The following RAVER2 variants were observed in gnomAD, a reference collection of about 807,000 sequenced individuals.
RAVER2 encodes the protein ribonucleoprotein, PTB binding 2.
RAVER2 carries 46 observed loss-of-function variants against 78.1 expected under a neutral mutation model. The observed-to-expected ratio is 0.59, with a 90% CI of 0.46 to 0.75. RAVER2 has a LOEUF of 0.75. Among genes scored for constraint, RAVER2 ranks in the 30% least tolerant of loss-of-function variants. The pLI is 0.00. For synonymous variants in RAVER2, 311 were observed against 313.3 expected, an observed-to-expected ratio of 0.99 and a Z score of 0.08; for missense variants, 793 against 837.5, an observed-to-expected ratio of 0.95 and a Z score of 0.66.
At chr1:64,751,835 C>G (rs1651706863) in intron 1 of RAVER2, among the ~76,000 whole-genome samples, 1 of 151,964 alleles carries the variant, frequency 6.6e-6, no homozygotes, top group South Asian at 2.1e-4. Flanking sequence ...CTAAAACAGG[C>G]AAACCAAGGA....
intron 5 of RAVER2, among the ~76,000 whole-genome samples, chr1:64,794,413 A>AC (rs1653037864): frequency 6.6e-6 from 1 of 151,654 alleles, no homozygotes; most frequent in Non-Finnish European, 1.5e-5. Context: ...AAAAAAAAAA[A>AC]AAAACTGCCC....
At chr1:64,787,473 A>G (rs1652813343) in intron 4 of RAVER2, among the ~76,000 whole-genome samples, 1 of 152,144 alleles carries the variant, frequency 6.6e-6, no homozygotes, top group East Asian at 1.9e-4. Context: ...CACCCCAGCC[A>G]GGCAGCCCTG....
chr1:64,781,127 A>G (rs1026213082), intron 3 of RAVER2, among the ~76,000 whole-genome samples: 2 of 152,188 alleles, frequency 1.3e-5, no homozygotes, highest in Non-Finnish European at 2.9e-5. Flanking sequence ...GACTATTACC[A>G]TCTGGGCTTT....
rs910735918 is a variant in RAVER2, at chr1:64,749,386, T to C, written c.249+3965T>C. ...CCACCACGCTCGGCTAATTTTTGTGTTTTTAGTAGAGACAGGGTTTCACCA... is the reference window on the plus strand; with the variant it reads ...CCACCACGCTCGGCTAATTTTTGTGCTTTTAGTAGAGACAGGGTTTCACCA... On this transcript the variant is annotated intron_variant, in intron 1 of 11. Coordinates refer to ENST00000294428, the Ensembl canonical transcript of RAVER2. Among the ~76,000 whole-genome samples, 7 of 152,240 alleles carry C rather than the reference T, an allele frequency of 4.6e-5. No individual in the cohort carries two copies. The East Asian group carries it at 7.7e-4, about 17-fold the overall frequency.
chr1:64,800,420 A>C (rs1653229923), intron 5 of RAVER2, among the ~76,000 whole-genome samples: 1 of 152,080 alleles, frequency 6.6e-6, no homozygotes, highest in Non-Finnish European at 1.5e-5. Context: ...TGCAATTTTT[A>C]GTCTTACATT....
At chr1:64,790,933 T>G (rs949786991) in intron 5 of RAVER2, among the ~76,000 whole-genome samples, 1 of 152,186 alleles carries the variant, frequency 6.6e-6, no homozygotes, top group Non-Finnish European at 1.5e-5. Context: ...CTGCCCCCAC[T>G]TTAGACCTAG....
chr1:64,824,136 A>G (rs773308544), intron 11 of RAVER2, among the ~76,000 whole-genome samples: 1 of 152,122 alleles, frequency 6.6e-6, no homozygotes, highest in Non-Finnish European at 1.5e-5. Flanking sequence ...AACACTTGCC[A>G]TATGTGGCAG....
At chr1:64,784,889 T>A (rs540928555) in intron 4 of RAVER2, among the ~76,000 whole-genome samples, 1 of 152,354 alleles carries the variant, frequency 6.6e-6, no homozygotes, top group East Asian at 1.9e-4. Context: ...TGTCAGCATC[T>A]TGATTACTTC....
At chr1:64,805,523 A>G in intron 8 of RAVER2, among the ~76,000 whole-genome samples, 1 of 152,244 alleles carries the variant, frequency 6.6e-6, no homozygotes, top group East Asian at 1.9e-4. Flanking sequence ...TATTTAAAAA[A>G]ATTTAACCTC....
At chr1:64,807,506 A>T (rs777616926) in intron 9 of RAVER2, 32 bp downstream of exon 9, 1 of 1,589,416 alleles carries the variant, frequency 6.3e-7, no homozygotes, top group East Asian at 2.2e-5. Flanking sequence ...ACAGATGTAT[A>T]TATACATGTA....
At chr1:64,810,372 A>C (rs578074753) in intron 9 of RAVER2, among the ~76,000 whole-genome samples, 6 of 152,316 alleles carry the variant, frequency 3.9e-5, no homozygotes, top group African/African-American at 1.2e-4. Context: ...CCAGTGTGTG[A>C]TGAGGATACT....
chr1:64,769,762 A>T (rs2100824264), intron 2 of RAVER2, among the ~76,000 whole-genome samples: 1 of 152,146 alleles, frequency 6.6e-6, no homozygotes, highest in Non-Finnish European at 1.5e-5. Context: ...TCAGCATGGG[A>T]TATGCAGCAT....
At chr1:64,804,915 T>C in intron 7 of RAVER2, 76 bp from the exon 8 acceptor site, 2 of 1,533,646 alleles carry the variant, frequency 1.3e-6, no homozygotes, top group African/African-American at 2.8e-5. Flanking sequence ...AGGTTGTTTA[T>C]GAATTTTCAC....
exon 12 of RAVER2, chr1:64,831,704 A>G (rs758521870): frequency 3.6e-4 from 55 of 152,216 alleles, no homozygotes; most frequent in Non-Finnish European, 6.2e-4. Flanking sequence ...CATTTGGTCT[A>G]CCACCCGCTT....
At chr1:64,769,338 A>G (rs1652255466) in intron 2 of RAVER2, among the ~76,000 whole-genome samples, 1 of 152,054 alleles carries the variant, frequency 6.6e-6, no homozygotes, top group Admixed American at 6.6e-5. Context: ...AAAAAGGAAC[A>G]TTACAGATAA....
At chr1:64,811,020 A>G (rs1653588311) in intron 9 of RAVER2, among the ~76,000 whole-genome samples, 1 of 152,220 alleles carries the variant, frequency 6.6e-6, no homozygotes. Context: ...ATATTAGTCT[A>G]GTTTGTAATT....
chr1:64,791,365 A>G (rs1652936545), intron 5 of RAVER2, among the ~76,000 whole-genome samples: 1 of 152,184 alleles, frequency 6.6e-6, no homozygotes, highest in African/African-American at 2.4e-5. Context: ...CTGATATCAC[A>G]TGATGCAAAG....
chr1:64,772,140 G>A (rs1295957081), intron 2 of RAVER2, among the ~76,000 whole-genome samples: 6 of 152,052 alleles, frequency 3.9e-5, no homozygotes, highest in Non-Finnish European at 8.8e-5. Context: ...TCTCTGTAGA[G>A]TGACATCTAC....
intron 1 of RAVER2, among the ~76,000 whole-genome samples, chr1:64,748,910 T>A (rs1171654087): frequency 6.6e-6 from 1 of 152,184 alleles, no homozygotes; most frequent in Non-Finnish European, 1.5e-5. Flanking sequence ...CGATCACTGC[T>A]CACTGCAGCC....
Sources: allele counts gnomAD v4.1 joint callset (sites outside exome capture counted in the v4.1 genomes callset), GRCh38; gene constraint gnomAD v4.1.1; transcripts MANE v1.5; gene names NCBI Gene and HGNC (gene_info 2026-07-23, HGNC 2026-07-21).